NPTN: variants seen among roughly 807,000 people sequenced by gnomAD.
The protein encoded by NPTN is neuroplastin.
NPTN carries 5 observed loss-of-function variants against 42.7 expected under a neutral mutation model. The observed-to-expected ratio is 0.12, with a 90% confidence interval of 0.06 to 0.25. The LOEUF is 0.25. Ranked by LOEUF, NPTN falls within the 10% of genes least tolerant of loss-of-function variation. The pLI is 1.00. For missense variants in NPTN, 307 were observed against 525.4 expected, an observed-to-expected ratio of 0.58 and a Z score of 4.06; for synonymous variants, 180 against 201.9, an observed-to-expected ratio of 0.89 and a Z score of 0.92.
At chr15:73,623,192 G>A (rs761299078) in intron 1 of NPTN, among the ~76,000 whole-genome samples, 1 of 152,128 alleles carries the variant, frequency 6.6e-6, no homozygotes, top group African/African-American at 2.4e-5. Context: ...TATTCAACAC[G>A]TATTGGAAGG....
intron 4 of NPTN, among the ~76,000 whole-genome samples, chr15:73,585,893 A>G (rs778017019): frequency 6.6e-6 from 1 of 152,222 alleles, no homozygotes; most frequent in Non-Finnish European, 1.5e-5. Flanking sequence ...ACAGCGTCCT[A>G]TTCTCTGACC....
chr15:73,598,379 GC>G (rs1896924593), intron 1 of NPTN, among the ~76,000 whole-genome samples: 1 of 151,930 alleles, frequency 6.6e-6, no homozygotes, highest in African/African-American at 2.4e-5. Flanking sequence ...CTTAGGAACT[GC>G]CCAGGAACTA....
intron 1 of NPTN, among the ~76,000 whole-genome samples, chr15:73,632,359 C>T (rs570446429): frequency 5.0e-4 from 76 of 151,442 alleles, no homozygotes; most frequent in Non-Finnish European, 9.9e-4. Context: ...TCATTTTCCT[C>T]TCCTTATTTA....
chr15:73,618,247 G>T (rs1293982029), intron 1 of NPTN, among the ~76,000 whole-genome samples: 1 of 152,132 alleles, frequency 6.6e-6, no homozygotes, highest in Non-Finnish European at 1.5e-5. Flanking sequence ...TGGGCATTAT[G>T]ACCCTTTGGG....
intron 1 of NPTN, among the ~76,000 whole-genome samples, chr15:73,617,850 C>T (rs1675770184): frequency 6.6e-6 from 1 of 152,228 alleles, no homozygotes; most frequent in African/African-American, 2.4e-5. Context: ...AATGTTCCTA[C>T]AGCAAGAACT....
intron 1 of NPTN, among the ~76,000 whole-genome samples, chr15:73,605,664 T>C (rs557394785): frequency 2.7e-5 from 4 of 148,210 alleles, no homozygotes; most frequent in Non-Finnish European, 6.0e-5. Context: ...GGAGGGGAGG[T>C]TGCGGTGAGC....
At chr15:73,573,092 C>T (rs1184855407) in intron 5 of NPTN, among the ~76,000 whole-genome samples, 5 of 152,190 alleles carry the variant, frequency 3.3e-5, no homozygotes, top group Admixed American at 3.3e-4. Context: ...AAGAAATAAA[C>T]AGCAACTGCA....
Position 73,561,905 on chromosome 15 carries a change from A to G in NPTN, c.*5T>C. On this transcript the variant is annotated 3_prime_UTR_variant, in exon 8 of 9. Transcript: ENST00000345330. ...AGAAGGCCATACTTACATTGTAAGC[A>G]GTACTTAATTTGTGTTTCTCTGGCG... 6.2e-7 allele frequency: 1 copy of G among 1,600,322 alleles called. No homozygotes were observed. Among genetic ancestry groups the G allele is most frequent in the Non-Finnish European group, 8.5e-7 (1 of 1,174,876 alleles).
chr15:73,589,566 C>G (rs1896488875), intron 3 of NPTN, among the ~76,000 whole-genome samples: 1 of 152,098 alleles, frequency 6.6e-6, no homozygotes, highest in Non-Finnish European at 1.5e-5. Flanking sequence ...TTATATAGGG[C>G]TGAGTTCTAG....
intron 1 of NPTN, among the ~76,000 whole-genome samples, chr15:73,603,332 C>A (rs1897151845): frequency 6.6e-6 from 1 of 152,338 alleles, no homozygotes; most frequent in South Asian, 2.1e-4. Flanking sequence ...CCACAACAGG[C>A]TGGGAAGCAG....
At chr15:73,580,437 AT>A (rs976858526) in intron 4 of NPTN, among the ~76,000 whole-genome samples, 1 of 80,952 alleles carries the variant, frequency 1.2e-5, no homozygotes, top group Admixed American at 1.4e-4. Flanking sequence ...TATATAATAT[AT>A]ATAATATATA....
chr15:73,619,062 CAAA>C (rs61683372), intron 1 of NPTN, among the ~76,000 whole-genome samples: 11 of 61,154 alleles, frequency 1.8e-4, no homozygotes, highest in Admixed American at 2.0e-4. Context: ...GACCCTGTCT[CAAA>C]AAAAAAAAAA....
At chr15:73,579,951 G>C (rs1012314263) in intron 4 of NPTN, among the ~76,000 whole-genome samples, 5 of 152,144 alleles carry the variant, frequency 3.3e-5, no homozygotes, top group African/African-American at 4.8e-5. Context: ...AAAACTGTGA[G>C]GTGGTAAGTG....
chr15:73,569,633 T>A lies in NPTN; in HGVS notation c.1114+517A>T. The A allele has an allele frequency of 1.0e-6, 1 of 985,456 alleles. No homozygotes were observed. The highest frequency in any genetic ancestry group is 1.2e-6 in the Non-Finnish European group (1 of 829,928). 61.0% of individuals were successfully genotyped at this position (985,456 alleles called of 1,614,324 possible). On this transcript the variant is annotated intron_variant, in intron 6 of 8. Transcript: ENST00000345330. This position sits in a 1 kb window ranked among gnomAD's most constrained non-coding sequence, Gnocchi z 4.1. ...CAAAAGCTGGCTTGTTCCAATGGCT[T>A]TTCTGAGAACAGTCTGACTGGGCTG...
chr15:73,600,054 A>G (rs901567938), intron 1 of NPTN, among the ~76,000 whole-genome samples: 2 of 152,192 alleles, frequency 1.3e-5, no homozygotes, highest in African/African-American at 4.8e-5. Flanking sequence ...CCAAGTCCTA[A>G]TAACACACAA....
In NPTN at chr15:73,593,927, G is replaced by A. The variant is rs544192461; in HGVS notation, c.440-1790C>T. The stretch of plus-strand genomic sequence containing the variant: ...CATGGTTTCCAAGACACACTGGACA[G>A]AAGCCAAATCCCTGGGCCTTAAGAA... On this transcript the variant is annotated intron_variant, in intron 2 of 8. Transcript: ENST00000345330. Among the ~76,000 whole-genome samples, 28 of 152,254 alleles carry A rather than the reference G, an allele frequency of 1.8e-4. 2 individuals are homozygous for A. In the South Asian group the frequency reaches 5.8e-3, roughly 32 times the overall value.
chr15:73,573,143 A>AG (rs1895503007), intron 5 of NPTN, among the ~76,000 whole-genome samples: 3 of 152,314 alleles, frequency 2.0e-5, no homozygotes, highest in South Asian at 2.1e-4. Flanking sequence ...AAGAAGCCTG[A>AG]GGGGGAGGCT....
At chr15:73,633,029 C>T (rs1268557370) in intron 1 of NPTN, 96 bp downstream of exon 1, 5 of 902,086 alleles carry the variant, frequency 5.5e-6, no homozygotes, top group Non-Finnish European at 4.6e-6. Context: ...CGGCCCCCTT[C>T]CCCGAGCTCC....
chr15:73,563,369 G>A (rs909795234), intron 6 of NPTN, 112 bp from the exon 7 acceptor site: 1 of 1,532,370 alleles, frequency 6.5e-7, no homozygotes. Flanking sequence ...TGGCAATCAT[G>A]GCTACTCACA....
Sources: allele counts gnomAD v4.1 joint callset (sites outside exome capture counted in the v4.1 genomes callset), GRCh38; gene constraint gnomAD v4.1.1; non-coding constraint Gnocchi (gnomAD v3.1); transcripts MANE v1.5; gene names NCBI Gene and HGNC (gene_info 2026-07-23, HGNC 2026-07-21).